The following TXK variants were observed in gnomAD, a reference collection of about 807,000 sequenced individuals.
TXK encodes the protein TXK tyrosine kinase, also known as tyrosine-protein kinase TXK.
Under a neutral mutation model 81.0 loss-of-function variants are expected in TXK, and 60 were observed. That is an observed-to-expected ratio of 0.74 (90% CI 0.60 to 0.92). TXK has a LOEUF of 0.92. Ranked by LOEUF, TXK falls within the 40% of genes least tolerant of loss-of-function variation. The probability of loss-of-function intolerance (pLI) is 0.00; values close to 1 mark genes in which losing one functional copy is unlikely to be tolerated. For synonymous variants in TXK, 203 were observed against 210.7 expected (o/e 0.96, Z 0.32); for missense variants, 581 against 638.3 (o/e 0.91, Z 0.97).
intron 12 of TXK, among the ~76,000 whole-genome samples, chr4:48,075,448 C>G (rs1344358382): frequency 6.6e-6 from 1 of 151,980 alleles, no homozygotes; most frequent in Non-Finnish European, 1.5e-5. Context: ...GTCAGGAGTT[C>G]AAGACCAGCC....
intron 13 of TXK, 43 bp from the exon 14 acceptor site, chr4:48,071,717 G>A: frequency 6.3e-7 from 1 of 1,599,338 alleles, no homozygotes; most frequent in Non-Finnish European, 8.5e-7. Context: ...AGAGAGAAAT[G>A]ATTGCTTGGG....
At chr4:48,128,721 C>A (rs762045996) in intron 1 of TXK, among the ~76,000 whole-genome samples, 1 of 151,682 alleles carries the variant, frequency 6.6e-6, no homozygotes, top group African/African-American at 2.4e-5. Flanking sequence ...TCTGCCACCA[C>A]GCCCGGCTAA....
intron 6 of TXK, among the ~76,000 whole-genome samples, chr4:48,099,854 T>C (rs1460671178): frequency 6.6e-6 from 1 of 152,158 alleles, no homozygotes; most frequent in East Asian, 1.9e-4. Context: ...TCTCACTCCT[T>C]ACATCAGGAA....
chr4:48,133,226 G>T (rs113071509), intron 1 of TXK, among the ~76,000 whole-genome samples: 3,516 of 24,154 alleles, frequency 0.15, 151 homozygotes, highest in African/African-American at 0.21. Context: ...ATTCTGCTTG[G>T]TTTTTTTTTT....
Position 48,073,938 on chromosome 4 carries a change from A to G in TXK, c.1354T>C (p.Phe452Leu). The G allele has an allele frequency of 6.3e-7, 1 of 1,595,620 alleles. No homozygotes were observed. Among genetic ancestry groups the G allele is most frequent in the Non-Finnish European group, 8.6e-7 (1 of 1,164,874 alleles). ...AGTGAACATCAGATGCACTCACCAA[A>G]TGACCAGACATCAGATTTACTGCTG... ...KYSSKSDVWS[F>L]GVLMWEVFTE... is the part of the protein sequence containing the mutation. Residue 452 changes from phenylalanine (F) to leucine (L), a missense_variant, in exon 13 of 15, where the codon TTT (phenylalanine) becomes CTT (leucine). Transcript: ENST00000264316.
chr4:48,125,082 TACTC>T (rs1179918365), intron 1 of TXK, among the ~76,000 whole-genome samples: 2 of 152,190 alleles, frequency 1.3e-5, no homozygotes, highest in Non-Finnish European at 2.9e-5. Context: ...CATGCTAACT[TACTC>T]ACTATACTAA....
At position 48,126,498 on chromosome 4, in the gene TXK, G is replaced by GTTTT. The variant is rs368844397; in HGVS notation, c.16+7656_16+7657insAAAA. Among the ~76,000 whole-genome samples, 432 of 152,152 alleles carry GTTTT rather than the reference G, an allele frequency of 2.8e-3. 4 individuals are homozygous for GTTTT. Among genetic ancestry groups the GTTTT allele is most frequent in the African/African-American group, 0.01 (417 of 41,522 alleles). ...GTCAACAACTTTGTGTGTGTGTGTG[G>GTTTT]TTGTTTGTTTTGTTTTGTTTGAGAT... On this transcript the variant is annotated intron_variant, in intron 1 of 14. Transcript: ENST00000264316.
chr4:48,084,029 T>C (rs890425756), intron 10 of TXK, among the ~76,000 whole-genome samples: 1 of 152,224 alleles, frequency 6.6e-6, no homozygotes, highest in African/African-American at 2.4e-5. Flanking sequence ...TAAAAATAAA[T>C]ATATTTGCAA....
At chr4:48,107,545 T>TTTC (rs1467133909) in intron 5 of TXK, among the ~76,000 whole-genome samples, 1 of 152,090 alleles carries the variant, frequency 6.6e-6, no homozygotes, top group Non-Finnish European at 1.5e-5. Context: ...TTTTATTTTT[T>TTTC]TTCTTCAACT....
Position 48,112,497 on chromosome 4 carries a change from C to G in TXK, c.190G>C (p.Val64Leu). The G allele has an allele frequency of 6.2e-7, 1 of 1,613,910 alleles. No homozygotes were observed. The highest frequency in any genetic ancestry group is 8.5e-7 in the Non-Finnish European group (1 of 1,179,898). ...SNKKQSNTGR[V>L]QPSKRKPLPP... is the part of the protein sequence containing the mutation. ...AGTGGCTTTCGTTTTGACGGCTGCA[C>G]ACGGCCCGTGTTGGACTGTGAAAAC... Residue 64 changes from valine to leucine, a missense_variant, in exon 4 of 15, where the codon GTG becomes CTG. Val to Leu is a conservative substitution (Grantham distance 32). Transcript: ENST00000264316.
At chr4:48,123,290 T>C (rs980232946) in intron 1 of TXK, among the ~76,000 whole-genome samples, 1 of 152,208 alleles carries the variant, frequency 6.6e-6, no homozygotes, top group African/African-American at 2.4e-5. Context: ...TAACTTTTAG[T>C]GATAGATGCA....
Position 48,070,623 on chromosome 4 carries a change from G to C in TXK, c.1515+894C>G, listed in dbSNP as rs974351983. Among the ~76,000 whole-genome samples, 3 of 152,078 alleles carry C rather than the reference G, an allele frequency of 2.0e-5. No individual in the cohort carries two copies. The East Asian group carries it at 5.8e-4, about 29-fold the overall frequency. The stretch of plus-strand genomic sequence containing the variant: ...AGACAGAGTCTTGTTCTGTTGTCCA[G>C]GCTGGAGTGTAGTGGCGCAATCTCA... On this transcript the variant is annotated intron_variant, in intron 14 of 14. Coordinates refer to ENST00000264316, the MANE Select transcript of TXK (RefSeq NM_003328.3).
At chr4:48,083,087 CT>C (rs886395657) in intron 10 of TXK, among the ~76,000 whole-genome samples, 1 of 152,246 alleles carries the variant, frequency 6.6e-6, no homozygotes, top group African/African-American at 2.4e-5. Flanking sequence ...GTTCACTGAG[CT>C]GGTTAACCCT....
At chr4:48,070,040 C>T (rs145326261) in intron 14 of TXK, among the ~76,000 whole-genome samples, 209 of 152,222 alleles carry the variant, frequency 1.4e-3, no homozygotes, top group African/African-American at 4.7e-3. Flanking sequence ...AAATGTAATG[C>T]TTTTGGAATA....
At chr4:48,110,491 C>A in intron 5 of TXK, 47 bp downstream of exon 5, 1 of 1,460,542 alleles carries the variant, frequency 6.8e-7, no homozygotes, top group South Asian at 1.2e-5. Context: ...TTACAAGCTG[C>A]CAAAATGTCC....
At chr4:48,115,892 AT>A (rs1238851667) in intron 1 of TXK, among the ~76,000 whole-genome samples, 1 of 152,062 alleles carries the variant, frequency 6.6e-6, no homozygotes, top group East Asian at 1.9e-4. Context: ...TCAAAAGGAT[AT>A]TTTATTTTCA....
rs1716964640 is a variant in TXK at position 48,073,985 on chromosome 4, T to A, written c.1307A>T (p.Glu436Val). ...AKFPIKWSPPEVFLFNKYSSK... is the reference protein window; with the variant it reads ...AKFPIKWSPPVVFLFNKYSSK... The stretch of plus-strand genomic sequence containing the variant: ...GCTGTACTTATTGAAAAGAAAAACT[T>A]CAGGAGGGGACCACTTGATTGGGAA... Residue 436 changes from glutamate (E) to valine (V), a missense_variant, in exon 13 of 15, where the codon GAA becomes GTA. By Grantham distance (121) the Glu-to-Val change is moderately radical. Coordinates refer to ENST00000264316, the MANE Select transcript of TXK (RefSeq NM_003328.3). 2 of 1,613,826 alleles carry A rather than the reference T, an allele frequency of 1.2e-6. No individual in the cohort carries two copies. The highest frequency in any genetic ancestry group is 2.7e-5 in the African/African-American group (2 of 74,918).
At chr4:48,092,627 G>T (rs924489333) in intron 8 of TXK, among the ~76,000 whole-genome samples, 2 of 96,192 alleles carry the variant, frequency 2.1e-5, no homozygotes, top group African/African-American at 3.3e-5. Context: ...AGCAGGAGGA[G>T]AGTTGTTTTT....
At chr4:48,097,126 T>C (rs1718010865) in intron 6 of TXK, among the ~76,000 whole-genome samples, 1 of 152,058 alleles carries the variant, frequency 6.6e-6, no homozygotes, top group Non-Finnish European at 1.5e-5. Flanking sequence ...ATAATATGAC[T>C]AGTAAATTCA....
Sources: allele counts gnomAD v4.1 joint callset (sites outside exome capture counted in the v4.1 genomes callset), GRCh38; gene constraint gnomAD v4.1.1; transcripts MANE v1.5; gene names NCBI Gene and HGNC (gene_info 2026-07-23, HGNC 2026-07-21).